ITGA9: variants seen among roughly 807,000 people sequenced by gnomAD.
ITGA9 encodes the protein integrin alpha-9.
In ITGA9, 56 loss-of-function variants were observed where a neutral mutation model predicts 127.8. The ratio of observed to expected loss-of-function variants is 0.44; its 90% CI spans 0.35 to 0.55. The LOEUF (loss-of-function observed/expected upper bound fraction) is 0.55. Among genes scored for constraint, ITGA9 ranks in the 20% least tolerant of loss-of-function variants. The pLI is 0.00. For synonymous variants in ITGA9, 508 were observed against 514.5 expected (o/e 0.99, Z 0.17); for missense variants, 1,196 against 1,347.1 (o/e 0.89, Z 1.76).
At chr3:37,506,369 G>A (rs1698843964) in intron 7 of ITGA9, among the ~76,000 whole-genome samples, 1 of 152,092 alleles carries the variant, frequency 6.6e-6, no homozygotes, top group Admixed American at 6.5e-5. Context: ...CTGAGCCCTG[G>A]CCTTATGGTG....
At chr3:37,575,199 CAGT>C (rs1381273193) in intron 15 of ITGA9, among the ~76,000 whole-genome samples, 1 of 152,096 alleles carries the variant, frequency 6.6e-6, no homozygotes, top group East Asian at 1.9e-4. Context: ...TCCTGCTTGG[CAGT>C]AGCAGATTCT....
chr3:37,533,212 C>A, intron 13 of ITGA9, 102 bp from the exon 14 acceptor site: 1 of 1,053,176 alleles, frequency 9.5e-7, no homozygotes, highest in Non-Finnish European at 1.5e-6. Flanking sequence ...TAATTAAATG[C>A]TGGGTTGAAG....
chr3:37,586,127 A>G (rs943169365), intron 15 of ITGA9, among the ~76,000 whole-genome samples: 1 of 152,206 alleles, frequency 6.6e-6, no homozygotes, highest in African/African-American at 2.4e-5. Flanking sequence ...TGTTTTGTCT[A>G]ATATTGCCTG....
chr3:37,455,906 G>A (rs549386125), intron 1 of ITGA9, among the ~76,000 whole-genome samples: 31 of 152,326 alleles, frequency 2.0e-4, no homozygotes, highest in African/African-American at 7.5e-4. Context: ...CTCAAAGCAT[G>A]TGAATGTGCT....
Position 37,818,906 on chromosome 3 carries a change from C to T in ITGA9, c.3025C>T (p.Arg1009Ter), listed in dbSNP as rs1697475527. The T allele has an allele frequency of 3.1e-6, 5 of 1,613,454 alleles. No individual in the cohort carries two copies. Among genetic ancestry groups the T allele is most frequent in the Non-Finnish European group, 4.2e-6 (5 of 1,179,664 alleles). Residue 1009 changes from arginine to a stop codon, truncating the protein, a stop_gained, in exon 28 of 28, where the codon CGA becomes TGA. Coordinates refer to ENST00000264741, the MANE Select transcript of ITGA9 (RefSeq NM_002207.3). LOFTEE classifies it high-confidence loss of function. Reference sequence around the variant, plus strand: ...TGCCTTTCAGATGGGCTTCTTTCGCCGAAGGTACAAAGAAATTATCGAAGC... The same window carrying T: ...TGCCTTTCAGATGGGCTTCTTTCGCTGAAGGTACAAAGAAATTATCGAAGC... ...VLLWKMGFFR[R>*]RYKEIIEAEK...
rs763708271 is a variant in ITGA9 at position 37,481,590 on chromosome 3, T to A, written c.527T>A (p.Leu176Gln). ...AACCTCCAGGCCAAAGGCAGGACGC[T>A]GATCCCTTGCTATGAAGGTGAGCAT... ...PSNLQAKGRT[L>Q]IPCYEEYKKK... The change falls in exon 4 of 28, where the codon CTG becomes CAG. Residue 176 changes from leucine to glutamine, a missense_variant. Transcript: ENST00000264741. 7.4e-6 allele frequency: 12 copies of A among 1,614,088 alleles called. No individual in the cohort carries two copies. The highest frequency in any genetic ancestry group is 3.3e-5 in the Admixed American group (2 of 60,006).
At chr3:37,545,868 C>G (rs1355106322) in intron 15 of ITGA9, among the ~76,000 whole-genome samples, 2 of 152,232 alleles carry the variant, frequency 1.3e-5, no homozygotes, top group Admixed American at 1.3e-4. Flanking sequence ...GGCCCCAGCT[C>G]TTGTCATGAC....
chr3:37,664,217 G>A (rs1700563636), intron 17 of ITGA9, among the ~76,000 whole-genome samples: 1 of 152,080 alleles, frequency 6.6e-6, no homozygotes, highest in Admixed American at 6.6e-5. Context: ...TGGGTAAAAA[G>A]TCTTCCTCTC....
At chr3:37,789,327 T>C (rs112876133) in intron 26 of ITGA9, among the ~76,000 whole-genome samples, 1 of 152,200 alleles carries the variant, frequency 6.6e-6, no homozygotes, top group East Asian at 1.9e-4. Context: ...AAATTAACTC[T>C]TCTACTTATA....
chr3:37,744,057 T>C (rs1696470762), intron 22 of ITGA9, 23 bp downstream of exon 22: 2 of 1,495,240 alleles, frequency 1.3e-6, no homozygotes, highest in Admixed American at 3.3e-5. Flanking sequence ...GGAGACCTCC[T>C]CTGTCCGTGG....
At chr3:37,553,369 C>T (rs1436117047) in intron 15 of ITGA9, among the ~76,000 whole-genome samples, 1 of 152,228 alleles carries the variant, frequency 6.6e-6, no homozygotes, top group African/African-American at 2.4e-5. Context: ...AAATCCCGCA[C>T]TATTGCATTT....
intron 2 of ITGA9, among the ~76,000 whole-genome samples, chr3:37,471,361 G>A (rs1698429685): frequency 2.0e-5 from 3 of 152,158 alleles, no homozygotes; most frequent in Admixed American, 1.3e-4. Flanking sequence ...CCATAAATTA[G>A]TGGGCAAAAG....
intron 18 of ITGA9, among the ~76,000 whole-genome samples, chr3:37,730,978 G>T (rs912625327): frequency 1.3e-5 from 2 of 152,174 alleles, no homozygotes; most frequent in African/African-American, 4.8e-5. Flanking sequence ...ACTTTATTCT[G>T]TTTGCAGTGG....
chr3:37,496,350 C>T (rs887855957), intron 5 of ITGA9, among the ~76,000 whole-genome samples: 9 of 152,146 alleles, frequency 5.9e-5, no homozygotes, highest in Admixed American at 1.3e-4. Flanking sequence ...GGAATGGCAC[C>T]GCCAATCATC....
intron 18 of ITGA9, among the ~76,000 whole-genome samples, chr3:37,693,397 A>G (rs2125668528): frequency 6.6e-6 from 1 of 152,310 alleles, no homozygotes; most frequent in South Asian, 2.1e-4. Context: ...TCAACTTTCA[A>G]GGCTTTCAGT....
chr3:37,603,947 A>G (rs1427459433), intron 15 of ITGA9, among the ~76,000 whole-genome samples: 1 of 152,194 alleles, frequency 6.6e-6, no homozygotes, highest in African/African-American at 2.4e-5. Flanking sequence ...CTACATTCCC[A>G]TTCAAGGTGT....
intron 23 of ITGA9, among the ~76,000 whole-genome samples, chr3:37,766,123 T>C (rs950567862): frequency 6.6e-6 from 1 of 152,270 alleles, no homozygotes; most frequent in Admixed American, 6.5e-5. Flanking sequence ...TAAACAGGGC[T>C]CATCGGCCAT....
At chr3:37,600,070 G>A (rs1699903059) in intron 15 of ITGA9, among the ~76,000 whole-genome samples, 1 of 152,144 alleles carries the variant, frequency 6.6e-6, no homozygotes, top group Middle Eastern at 3.2e-3. Flanking sequence ...TATGAAATGA[G>A]GCTTTCAGTA....
intron 16 of ITGA9, among the ~76,000 whole-genome samples, chr3:37,645,071 G>A (rs559951109): frequency 1.1e-4 from 17 of 152,146 alleles, no homozygotes; most frequent in African/African-American, 4.1e-4. Flanking sequence ...CTCAGGTCAT[G>A]GTATTTATAT....
Sources: allele counts gnomAD v4.1 joint callset (sites outside exome capture counted in the v4.1 genomes callset), GRCh38; gene constraint gnomAD v4.1.1; transcripts MANE v1.5; gene names NCBI Gene and HGNC (gene_info 2026-07-23, HGNC 2026-07-21).